Variants in TMEM218 observed in about 807,000 individuals in gnomAD.
TMEM218 encodes transmembrane protein 218.
Under a neutral mutation model 10.0 loss-of-function variants are expected in TMEM218, and 8 were observed. That is an observed-to-expected ratio of 0.80 (90% CI 0.47 to 1.44). The LOEUF (loss-of-function observed/expected upper bound fraction) is 1.44. TMEM218 is among the 40% of genes most tolerant of loss of function. The probability of loss-of-function intolerance (pLI) is 0.00; values close to 1 mark genes in which losing one functional copy is unlikely to be tolerated. For synonymous variants in TMEM218, 66 were observed against 63.5 expected (o/e 1.04, Z -0.18); for missense variants, 110 against 140.1 (o/e 0.79, Z 1.08).
intron 1 of TMEM218, among the ~76,000 whole-genome samples, chr11:125,110,176 ATTATTG>A (rs11280019): frequency 0.44 from 66,261 of 151,638 alleles, 14,883 homozygotes; most frequent in Middle Eastern, 0.54. Context: ...GAATAGCTAA[ATTATTG>A]TTATTGAGTA....
intron 1 of TMEM218, chr11:125,104,247 C>T (rs147520746): frequency 4.1e-4 from 62 of 152,378 alleles, no homozygotes; most frequent in African/African-American, 1.3e-3. Flanking sequence ...GGGGAGCAGT[C>T]TGCCCTCATT....
rs745703131 is a variant in TMEM218, at chr11:125,102,199, A to G, written c.43T>C (p.Leu15=). 6 of 1,612,792 alleles carry G rather than the reference A, an allele frequency of 3.7e-6. No individual in the cohort carries two copies. Among genetic ancestry groups the G allele is most frequent in the Admixed American group, 1.7e-5 (1 of 59,854 alleles). The change falls in exon 3 of 5, where the codon TTA becomes CTA. Residue 15 remains leucine (L), a synonymous_variant. Transcript: ENST00000682305. ...AGCACTGCCACCCAGAGCAGGGCTA[A>G]GATGAACACGCCCGCACCGACTCCG... ...VLGVGAGVFI[L]ALLWVAVLLL...
chr11:125,102,242 C>T lies in TMEM218; in HGVS notation c.-1G>A. The T allele has an allele frequency of 6.2e-7, 1 of 1,612,622 alleles. No homozygotes were observed. Among genetic ancestry groups the T allele is most frequent in the African/African-American group, 1.3e-5 (1 of 74,988 alleles). On this transcript the variant is annotated 5_prime_UTR_variant, in exon 3 of 5. Coordinates refer to ENST00000682305, the MANE Select transcript of TMEM218 (RefSeq NM_001258244.2). ...CGACTCCGAGCACAGTGCCAGCCAT[C>T]CCGCGGGGAGGCAGCGGCGGCCCCC...
chr11:125,110,073 G>C (rs1006435230), intron 1 of TMEM218, among the ~76,000 whole-genome samples: 4 of 152,240 alleles, frequency 2.6e-5, no homozygotes, highest in African/African-American at 9.6e-5. Context: ...GCTGGGTATA[G>C]TATAGAGTGC....
intron 1 of TMEM218, among the ~76,000 whole-genome samples, chr11:125,106,729 C>G (rs1002763411): frequency 6.6e-6 from 1 of 152,204 alleles, no homozygotes; most frequent in African/African-American, 2.4e-5. Flanking sequence ...TCATATACGG[C>G]TGGCAAGGGC....
intron 2 of TMEM218, 120 bp downstream of exon 2, chr11:125,102,614 C>T (rs1193143592): frequency 1.5e-6 from 2 of 1,311,244 alleles, no homozygotes; most frequent in South Asian, 1.2e-5. Context: ...AAAGCTGAAC[C>T]CTCTCTGAAT....
chr11:125,096,070 T>C lies in TMEM218; in HGVS notation c.*1536A>G, dbSNP rs959280625. ...GCTTAGAGGATGTTTCTTCTTTTCT[T>C]ACCTGTGTGCCCTAGGCCAGATTAG... is the stretch of plus-strand genomic sequence containing the variant. On this transcript the variant is annotated 3_prime_UTR_variant, in exon 5 of 5. Coordinates refer to ENST00000682305, the MANE Select transcript of TMEM218 (RefSeq NM_001258244.2). Among the ~76,000 whole-genome samples, 1 of 152,194 alleles carries C rather than the reference T, an allele frequency of 6.6e-6. No individual in the cohort carries two copies. The highest frequency in any genetic ancestry group is 1.5e-5 in the Non-Finnish European group (1 of 68,016).
chr11:125,099,299 T>C (rs1950243194), intron 4 of TMEM218, among the ~76,000 whole-genome samples: 1 of 152,174 alleles, frequency 6.6e-6, no homozygotes, highest in Non-Finnish European at 1.5e-5. Flanking sequence ...GCGGGCCACA[T>C]GTTTGCTCGT....
At chr11:125,102,958 G>T in intron 1 of TMEM218, 149 bp from the exon 2 acceptor site, 1 of 261,440 alleles carries the variant, frequency 3.8e-6, no homozygotes, top group Non-Finnish European at 7.6e-6. Flanking sequence ...AGATATAAGC[G>T]CGATGGGGTA....
chr11:125,102,614 C>G (rs1193143592), intron 2 of TMEM218, 120 bp downstream of exon 2: 19 of 1,311,244 alleles, frequency 1.4e-5, no homozygotes, highest in Non-Finnish European at 1.8e-5. Flanking sequence ...AAAGCTGAAC[C>G]CTCTCTGAAT....
At chr11:125,099,093 A>C (rs1950195347) in intron 4 of TMEM218, among the ~76,000 whole-genome samples, 1 of 152,236 alleles carries the variant, frequency 6.6e-6, no homozygotes, top group African/African-American at 2.4e-5. Flanking sequence ...AATTTGTTAC[A>C]GCAGCAACAG....
Position 125,097,492 on chromosome 11 carries a change from C to T in TMEM218, c.*114G>A. ...TTTGTCTTAGTGATGGACAGATACT[C>T]CTCTAACCTTAAGGCATGAGGGCTG... is the stretch of plus-strand genomic sequence containing the variant. On this transcript the variant is annotated 3_prime_UTR_variant, in exon 5 of 5. Transcript: ENST00000682305. The T allele has an allele frequency of 8.2e-7, 1 of 1,215,618 alleles. No individual in the cohort carries two copies. The highest frequency in any genetic ancestry group is 1.2e-6 in the Non-Finnish European group (1 of 869,296). The allele number at this position is 1,215,618 out of a possible 1,614,324, so 75.3% of individuals were successfully genotyped here.
rs1282107178 is a variant in TMEM218, at chr11:125,097,338, T to C, written c.*268A>G. 3.4e-6 allele frequency: 1 copy of C among 296,048 alleles called. No homozygotes were observed. Among genetic ancestry groups the C allele is most frequent in the Non-Finnish European group, 6.2e-6 (1 of 161,506 alleles). 18.3% of individuals were successfully genotyped at this position (296,048 alleles called of 1,614,324 possible). ...AAGCAGATCACTGTTACTATTTCCC[T>C]TTCAAAACAGTTGGAAATCCTAAGG... On this transcript the variant is annotated 3_prime_UTR_variant, in exon 5 of 5. Transcript: ENST00000682305.
Position 125,102,143 on chromosome 11 carries a change from G to T in TMEM218, c.99C>A (p.Ser33=). 6.4e-7 allele frequency: 1 copy of T among 1,565,786 alleles called. No individual in the cohort carries two copies. The highest frequency in any genetic ancestry group is 1.2e-5 in the South Asian group (1 of 84,680). ...ACAGAATGCCTTACCTCGCCGCCCC[G>T]GAGGCTCTGGACAGCAGCACACACA... ...LLLCVLLSRA[S]GAARFSVIFL... is the part of the protein sequence containing the mutation. The change falls in exon 3 of 5, where the codon TCC becomes TCA. Residue 33 remains serine, a synonymous_variant. Transcript: ENST00000682305.
At position 125,097,787 on chromosome 11, in the gene TMEM218, C is replaced by G. The variant is rs574883295; in HGVS notation, c.214-47G>C. ...ATGAAATTACTACCAGTTAGACACC[C>G]TGGCTGGGTTAACCTGAACTCCATG... On this transcript the variant is annotated intron_variant, in intron 4 of 4. Transcript: ENST00000682305. 9.4e-6 allele frequency: 15 copies of G among 1,587,714 alleles called. No individual in the cohort carries two copies. The African/African-American group carries it at 1.3e-4, about 14-fold the overall frequency.
chr11:125,101,409 C>T, intron 3 of TMEM218, 106 bp from the exon 4 acceptor site: 1 of 1,518,944 alleles, frequency 6.6e-7, no homozygotes, highest in Non-Finnish European at 8.8e-7. Context: ...ATGTTTCAGT[C>T]CCTTAACAAT....
Position 125,102,516 on chromosome 11 carries a change from G to C in TMEM218, c.-76-199C>G, listed in dbSNP as rs1038365707. 1.2e-5 allele frequency: 17 copies of C among 1,442,222 alleles called. No individual in the cohort carries two copies. In the Admixed American group the frequency reaches 3.6e-4, roughly 30 times the overall value. The allele number at this position is 1,442,222 out of a possible 1,614,324, so 89.3% of individuals were successfully genotyped here. A position where few individuals can be genotyped will look rare whatever the true frequency, so the allele number is the denominator to read the frequency against. On this transcript the variant is annotated intron_variant, in intron 2 of 4. Transcript: ENST00000682305. ...GGTGGGGACTGAGAGGGTGTTTTCC[G>C]CTCTGCGCTCAGAAGTTTTTTCTGA... is the stretch of plus-strand genomic sequence containing the variant.
chr11:125,105,772 A>AG (rs1951977244), intron 1 of TMEM218, among the ~76,000 whole-genome samples: 1 of 152,082 alleles, frequency 6.6e-6, no homozygotes, highest in Non-Finnish European at 1.5e-5. Flanking sequence ...AAGTGAAAAA[A>AG]AAATAAAGAA....
In TMEM218 at chr11:125,095,100, T is replaced by C. The variant is rs1178565507; in HGVS notation, c.*2506A>G. On this transcript the variant is annotated 3_prime_UTR_variant, in exon 5 of 5. Transcript: ENST00000682305. ...AACAAATTACCCATTGTGATCTCCA[T>C]TGTGGGGATAGGGTGGTATCCTCCT... Among the ~76,000 whole-genome samples the C allele has an allele frequency of 6.6e-6, 1 of 152,218 alleles. No individual in the cohort carries two copies. The highest frequency in any genetic ancestry group is 2.4e-5 in the African/African-American group (1 of 41,444).
Sources: gnomAD v4.1 joint callset for allele counts (sites outside exome capture counted in the v4.1 genomes callset) on GRCh38, gnomAD v4.1.1 for gene constraint, MANE v1.5 for transcripts, NCBI Gene and HGNC (gene_info 2026-07-23, HGNC 2026-07-21) for gene names.